Variants in CLEC2L observed in about 807,000 individuals in gnomAD.
CLEC2L encodes C-type lectin domain family 2 member L.
Under a neutral mutation model 23.6 loss-of-function variants are expected in CLEC2L, and 14 were observed. The ratio of observed to expected loss-of-function variants is 0.59; its 90% CI spans 0.39 to 0.93. The LOEUF (loss-of-function observed/expected upper bound fraction) is 0.93. Ranked by LOEUF, CLEC2L falls within the 40% of genes least tolerant of loss-of-function variation. The pLI is 0.00. For missense variants in CLEC2L, 264 were observed against 282.4 expected, an observed-to-expected ratio of 0.93 and a Z score of 0.47; for synonymous variants, 114 against 121.3, an observed-to-expected ratio of 0.94 and a Z score of 0.40.
intron 2 of CLEC2L, among the ~76,000 whole-genome samples, chr7:139,537,287 C>G (rs1797673408): frequency 1.3e-5 from 2 of 151,988 alleles, no homozygotes; most frequent in Non-Finnish European, 2.9e-5. Context: ...GTAAATTGAA[C>G]TATCAAAGAC....
intron 1 of CLEC2L, among the ~76,000 whole-genome samples, chr7:139,524,713 G>T (rs939894339): frequency 6.6e-6 from 1 of 152,196 alleles, no homozygotes; most frequent in South Asian, 2.1e-4. Flanking sequence ...CCCAAGTAGA[G>T]AATTGATTTC....
intron 1 of CLEC2L, among the ~76,000 whole-genome samples, chr7:139,533,540 G>C (rs1797610020): frequency 6.6e-6 from 1 of 152,140 alleles, no homozygotes; most frequent in Admixed American, 6.5e-5. Context: ...AATTTCTGTA[G>C]AGACAAGGTT....
At chr7:139,533,566 G>A (rs1286731047) in intron 1 of CLEC2L, among the ~76,000 whole-genome samples, 1 of 152,154 alleles carries the variant, frequency 6.6e-6, no homozygotes, top group Non-Finnish European at 1.5e-5. Flanking sequence ...AGGTTGGCCA[G>A]GCTGGTCTCG....
rs1161103155 is a variant in CLEC2L, at chr7:139,540,424, A to G, written c.369A>G (p.Thr123=). ...CCGAGGAACCCAGAGACTGGAACAC[A>G]GGCAGGCAGTACTGCCACACCCACG... ...FFSEEPRDWN[T]GRQYCHTHEA... Residue 123 remains threonine, a synonymous_variant, in exon 3 of 5, where the codon ACA becomes ACG. Coordinates refer to ENST00000422142, the MANE Select transcript of CLEC2L (RefSeq NM_001080511.4). The surrounding 1 kb of genome is among the most constrained non-coding windows in gnomAD (Gnocchi z 5.8). The G allele has an allele frequency of 6.2e-7, 1 of 1,606,548 alleles. No individual in the cohort carries two copies. The highest frequency in any genetic ancestry group is 8.5e-7 in the Non-Finnish European group (1 of 1,176,900).
At chr7:139,529,776 C>T (rs1465587364) in intron 1 of CLEC2L, among the ~76,000 whole-genome samples, 1 of 152,132 alleles carries the variant, frequency 6.6e-6, no homozygotes, top group Non-Finnish European at 1.5e-5. Flanking sequence ...ACTAATACAA[C>T]AGTAAAGGGG....
rs1350071935 is a variant in CLEC2L at position 139,544,441 on chromosome 7, G to A, written c.*99G>A. On this transcript the variant is annotated 3_prime_UTR_variant, in exon 5 of 5. Coordinates refer to ENST00000422142, the MANE Select transcript of CLEC2L (RefSeq NM_001080511.4). Reference sequence around the variant, plus strand: ...CAGCGGAGCCGCCTGCCCTCTGCAAGGCGAAGCGGTGGGTGCGTGGCCTCC... The same window carrying A: ...CAGCGGAGCCGCCTGCCCTCTGCAAAGCGAAGCGGTGGGTGCGTGGCCTCC... The A allele has an allele frequency of 1.2e-6, 1 of 859,320 alleles. No individual in the cohort carries two copies. The highest frequency in any genetic ancestry group is 2.7e-5 in the East Asian group (1 of 37,638). The allele number at this position is 859,320 out of a possible 1,614,324, so 53.2% of individuals were successfully genotyped here. A position where few individuals can be genotyped will look rare whatever the true frequency, so the allele number is the denominator to read the frequency against.
chr7:139,534,356 T>C, intron 1 of CLEC2L: 1 of 1,050,766 alleles, frequency 9.5e-7, no homozygotes, highest in Non-Finnish European at 1.5e-6. Context: ...TATGAAGACA[T>C]GTGAAAAGAA....
Position 139,539,916 on chromosome 7 carries a change from C to A in CLEC2L, c.266-405C>A. On this transcript the variant is annotated intron_variant, in intron 2 of 4. Transcript: ENST00000422142. This position sits in a 1 kb window ranked among gnomAD's most constrained non-coding sequence, Gnocchi z 4.1. ...TCCCAGCAGTTCAGTGGTGGAATGG[C>A]AGCCTTGGTAGCTAACATGGGCATG... 1 of 190,050 alleles carries A rather than the reference C, an allele frequency of 5.3e-6. No individual in the cohort carries two copies. Among genetic ancestry groups the A allele is most frequent in the Non-Finnish European group, 1.1e-5 (1 of 91,928 alleles). 11.8% of individuals were successfully genotyped at this position (190,050 alleles called of 1,614,324 possible).
chr7:139,540,213 A>G lies in CLEC2L; in HGVS notation c.266-108A>G. 1 of 1,081,794 alleles carries G rather than the reference A, an allele frequency of 9.2e-7. No homozygotes were observed. Among genetic ancestry groups the G allele is most frequent in the Non-Finnish European group, 1.3e-6 (1 of 756,294 alleles). The allele number at this position is 1,081,794 out of a possible 1,614,324, so 67.0% of individuals were successfully genotyped here. On this transcript the variant is annotated intron_variant, in intron 2 of 4. Transcript: ENST00000422142. This position sits in a 1 kb window ranked among gnomAD's most constrained non-coding sequence, Gnocchi z 5.8. ...ACCAGGAGAGGACAGCCACATCTGC[A>G]GTGTCCCTGCAGGACGCCAAAGCTG...
intron 1 of CLEC2L, among the ~76,000 whole-genome samples, chr7:139,527,900 G>T (rs940384714): frequency 6.6e-6 from 1 of 152,180 alleles, no homozygotes; most frequent in South Asian, 2.1e-4. Flanking sequence ...TCAAGATTAT[G>T]CTTGCCAGGC....
intron 4 of CLEC2L, among the ~76,000 whole-genome samples, chr7:139,542,751 G>A (rs1210904679): frequency 1.3e-5 from 2 of 152,220 alleles, no homozygotes; most frequent in African/African-American, 2.4e-5. Context: ...GAGTGGATGT[G>A]AGTGTGTGAT....
At chr7:139,535,788 C>A (rs140644217) in intron 1 of CLEC2L, among the ~76,000 whole-genome samples, 1,702 of 152,218 alleles carry the variant, frequency 0.011, 33 homozygotes, top group African/African-American at 0.038. Context: ...GAGGGCTGAA[C>A]GGGTTATTTT....
chr7:139,525,723 A>G (rs978527060), intron 1 of CLEC2L, among the ~76,000 whole-genome samples: 4 of 152,132 alleles, frequency 2.6e-5, no homozygotes, highest in South Asian at 2.1e-4. Flanking sequence ...CCCCCATGGT[A>G]GGGCTGCTTC....
Position 139,530,015 on chromosome 7 carries a change from CAA to C in CLEC2L, c.190+5911_190+5912del, listed in dbSNP as rs59845086. 1.0e-3 allele frequency among the ~76,000 whole-genome samples: 107 copies of C among 103,486 alleles called. 1 individual carries two copies. In the East Asian group the frequency reaches 0.023, roughly 22 times the overall value. 67.9% of individuals were successfully genotyped at this position (103,486 alleles called of 152,430 possible). Reference sequence around the variant, plus strand: ...CCTGGGAGGTGGATGTTGCAGTGAGCAAAAAAAAAAAAAACAAAATTAGCCAG... The same window carrying C: ...CCTGGGAGGTGGATGTTGCAGTGAGCAAAAAAAAAAAACAAAATTAGCCAG... On this transcript the variant is annotated intron_variant, in intron 1 of 4. Coordinates refer to ENST00000422142, the MANE Select transcript of CLEC2L (RefSeq NM_001080511.4).
intron 3 of CLEC2L, 76 bp from the exon 4 acceptor site, chr7:139,541,945 T>G: frequency 3.1e-5 from 29 of 948,650 alleles, no homozygotes; most frequent in Non-Finnish European, 4.5e-5. Context: ...TCTTCCAAGC[T>G]GAGGTTTGTC....
At chr7:139,536,976 CAAA>C (rs1159255018) in intron 2 of CLEC2L, among the ~76,000 whole-genome samples, 5 of 37,304 alleles carry the variant, frequency 1.3e-4, no homozygotes, top group Admixed American at 2.8e-4. Context: ...GACTCCATCT[CAAA>C]AAAAAAAAAA....
chr7:139,524,053 G>A lies in CLEC2L; in HGVS notation c.126G>A (p.Glu42=). 4 of 1,218,282 alleles carry A rather than the reference G, an allele frequency of 3.3e-6. No homozygotes were observed. Among genetic ancestry groups the A allele is most frequent in the Non-Finnish European group, 4.1e-6 (4 of 977,704 alleles). The allele number at this position is 1,218,282 out of a possible 1,614,324, so 75.5% of individuals were successfully genotyped here. The change falls in exon 1 of 5, where the codon GAG becomes GAA. Residue 42 remains glutamate, a synonymous_variant. Transcript: ENST00000422142. ...CAGAGGCTGAGGCCCGCGGCCCCGA[G>A]GGGCTGCTGCGGCGATCCGGGTCGG... is the stretch of plus-strand genomic sequence containing the variant. ...SPAEAEARGP[E]GLLRRSGSGY... is the part of the protein sequence containing the mutation.
rs1797469182 is a variant in CLEC2L, at chr7:139,524,026, C to T, written c.99C>T (p.Pro33=). The change falls in exon 1 of 5, where the codon CCC becomes CCT. Residue 33 remains proline, a synonymous_variant. Coordinates refer to ENST00000422142, the MANE Select transcript of CLEC2L (RefSeq NM_001080511.4). The part of the protein sequence containing the change: ...PAPAAPRPRS[P]AEAEARGPEG... The stretch of plus-strand genomic sequence containing the variant: ...CCGCCGCCCCCAGGCCGCGTTCGCC[C>T]GCAGAGGCTGAGGCCCGCGGCCCCG... 2 of 1,174,346 alleles carry T rather than the reference C, an allele frequency of 1.7e-6. No homozygotes were observed. The highest frequency in any genetic ancestry group is 3.6e-5 in the East Asian group (1 of 27,506). The allele number at this position is 1,174,346 out of a possible 1,614,324, so 72.7% of individuals were successfully genotyped here.
intron 1 of CLEC2L, among the ~76,000 whole-genome samples, chr7:139,531,356 G>A (rs137885278): frequency 6.6e-6 from 1 of 152,230 alleles, no homozygotes; most frequent in Non-Finnish European, 1.5e-5. Context: ...TATTCATAGA[G>A]CAGCAGCAAC....
Sources: allele counts gnomAD v4.1 joint callset (sites outside exome capture counted in the v4.1 genomes callset), GRCh38; gene constraint gnomAD v4.1.1; non-coding constraint Gnocchi (gnomAD v3.1); transcripts MANE v1.5; gene names NCBI Gene and HGNC (gene_info 2026-07-23, HGNC 2026-07-21).